BCAS3: variants seen among roughly 807,000 people sequenced by gnomAD.
BCAS3 encodes BCAS4/BCAS3 fusion.
A neutral mutation model predicts 116.1 loss-of-function variants in BCAS3; 53 were observed. The ratio of observed to expected loss-of-function variants is 0.46; its 90% CI spans 0.37 to 0.57. BCAS3 has a LOEUF of 0.57. Ranked by LOEUF, BCAS3 falls within the 20% of genes least tolerant of loss-of-function variation. The pLI is 0.00. For synonymous variants in BCAS3, 391 were observed against 408.2 expected, an observed-to-expected ratio of 0.96 and a Z score of 0.51; for missense variants, 917 against 1,165.4, an observed-to-expected ratio of 0.79 and a Z score of 3.10.
rs1325216315 is a variant in BCAS3, at chr17:61,348,357, G to A, written c.2426-19970G>A. On this transcript the variant is annotated intron_variant, in intron 22 of 23. Transcript: ENST00000407086. The surrounding 1 kb of genome is among the most constrained non-coding windows in gnomAD (Gnocchi z 4.5). ...GCCTGTGGAACATCCAAGTGAGGGT[G>A]CTTGGTCTTACGCAGATGGTTTTGG... Among the ~76,000 whole-genome samples, 1 of 152,198 alleles carries A rather than the reference G, an allele frequency of 6.6e-6. No homozygotes were observed. Among genetic ancestry groups the A allele is most frequent in the Non-Finnish European group, 1.5e-5 (1 of 68,030 alleles).
chr17:60,926,279 AT>A (rs1203615160), intron 13 of BCAS3, among the ~76,000 whole-genome samples: 1 of 152,094 alleles, frequency 6.6e-6, no homozygotes, highest in Non-Finnish European at 1.5e-5. Flanking sequence ...GATCTTACCC[AT>A]TTGGTTGATG....
chr17:60,818,836 G>A (rs8080854), intron 7 of BCAS3, among the ~76,000 whole-genome samples: 6,669 of 152,078 alleles, frequency 0.044, 387 homozygotes, highest in African/African-American at 0.13. Context: ...TAGGTATACC[G>A]TTTATGCTGA....
chr17:60,881,603 A>T (rs1250632812), intron 9 of BCAS3, among the ~76,000 whole-genome samples: 2 of 71,532 alleles, frequency 2.8e-5, no homozygotes, highest in South Asian at 1.1e-3. Context: ...CCCCCACCCC[A>T]CCACAGTCCC....
At chr17:60,724,614 A>C (rs971729675) in intron 5 of BCAS3, among the ~76,000 whole-genome samples, 27 of 151,142 alleles carry the variant, frequency 1.8e-4, no homozygotes, top group African/African-American at 6.3e-4. Flanking sequence ...AAGCCCAGCT[A>C]CTTGGGAGGC....
intron 14 of BCAS3, among the ~76,000 whole-genome samples, chr17:60,976,678 G>A (rs1453984043): frequency 2.6e-5 from 4 of 152,092 alleles, no homozygotes; most frequent in Non-Finnish European, 5.9e-5. Flanking sequence ...CTGTTTAACA[G>A]AGCACATCTT....
chr17:61,338,480 T>C (rs1188952502), intron 22 of BCAS3, among the ~76,000 whole-genome samples: 1 of 152,180 alleles, frequency 6.6e-6, no homozygotes, highest in African/African-American at 2.4e-5. Flanking sequence ...TTTATTGTGT[T>C]TGAAGTATCT....
At chr17:60,690,260 A>G (rs187339874) in intron 4 of BCAS3, among the ~76,000 whole-genome samples, 109 of 152,226 alleles carry the variant, frequency 7.2e-4, no homozygotes, top group African/African-American at 2.3e-3. Context: ...CATAGGTCAG[A>G]ATTTCCTTCC....
intron 5 of BCAS3, 64 bp from the exon 6 acceptor site, chr17:60,747,134 T>C: frequency 9.0e-7 from 1 of 1,105,646 alleles, no homozygotes; most frequent in Non-Finnish European, 1.3e-6. Context: ...AGATCTTGTT[T>C]TTATATAATA....
chr17:60,722,283 A>G (rs937598138), intron 5 of BCAS3, among the ~76,000 whole-genome samples: 1 of 152,186 alleles, frequency 6.6e-6, no homozygotes, highest in African/African-American at 2.4e-5. Context: ...GGATAAGTAC[A>G]TGTTTACCTT....
At position 60,736,590 on chromosome 17, in the gene BCAS3, T is replaced by C. The variant is rs542002636; in HGVS notation, c.322-10608T>C. ...TCTTCCAAAGAGAATGATAAAGAAT[T>C]GGTATTATTTCTTTCTTAAATGTAT... On this transcript the variant is annotated intron_variant, in intron 5 of 23. Coordinates refer to ENST00000407086, the MANE Select transcript of BCAS3 (RefSeq NM_017679.5). Among the ~76,000 whole-genome samples the C allele has an allele frequency of 3.3e-5, 5 of 152,268 alleles. No homozygotes were observed. In the East Asian group the frequency reaches 7.7e-4, roughly 24 times the overall value.
intron 7 of BCAS3, among the ~76,000 whole-genome samples, chr17:60,854,360 C>G (rs997104212): frequency 1.3e-5 from 2 of 152,076 alleles, no homozygotes; most frequent in Admixed American, 1.3e-4. Context: ...AATGAACATA[C>G]GTGTGCATGT....
chr17:61,119,075 C>T (rs2075649933), intron 22 of BCAS3, among the ~76,000 whole-genome samples: 1 of 152,142 alleles, frequency 6.6e-6, no homozygotes, highest in African/African-American at 2.4e-5. Context: ...GATGCGGAAG[C>T]CATTATCTCA....
At chr17:60,999,855 A>T (rs1215746341) in intron 15 of BCAS3, among the ~76,000 whole-genome samples, 1 of 152,134 alleles carries the variant, frequency 6.6e-6, no homozygotes, top group African/African-American at 2.4e-5. Flanking sequence ...TTGTCCTTGT[A>T]GAGGTCTTTC....
At chr17:60,937,185 T>TTA (rs1161348115) in intron 13 of BCAS3, among the ~76,000 whole-genome samples, 33 of 152,260 alleles carry the variant, frequency 2.2e-4, no homozygotes, top group African/African-American at 7.7e-4. Flanking sequence ...TGCGACATTA[T>TTA]TTCTGAGGGT....
intron 7 of BCAS3, among the ~76,000 whole-genome samples, chr17:60,816,160 A>ATGTAGTTTAGACTTTG (rs1464834740): frequency 6.6e-6 from 1 of 152,128 alleles, no homozygotes; most frequent in Non-Finnish European, 1.5e-5. Context: ...TTGAACACCC[A>ATGTAGTTTAGACTTTG]TGTAGTTTAG....
chr17:60,882,593 T>C (rs1258106133), intron 9 of BCAS3, among the ~76,000 whole-genome samples: 1 of 152,166 alleles, frequency 6.6e-6, no homozygotes, highest in Non-Finnish European at 1.5e-5. Context: ...TTTAAATCTT[T>C]AATCTATCTT....
intron 14 of BCAS3, among the ~76,000 whole-genome samples, chr17:60,957,604 A>G (rs535372687): frequency 7.2e-5 from 11 of 152,318 alleles, no homozygotes; most frequent in African/African-American, 2.4e-4. Context: ...TACAGTTTGC[A>G]TATCATCACT....
At position 61,381,445 on chromosome 17, in the gene BCAS3, G is replaced by A. The variant is rs1306498949; in HGVS notation, c.2594-10532G>A. Among the ~76,000 whole-genome samples the A allele has an allele frequency of 6.6e-6, 1 of 152,052 alleles. No individual in the cohort carries two copies. The highest frequency in any genetic ancestry group is 2.4e-5 in the African/African-American group (1 of 41,396). ...GATCCTTTCCCAGCCGCGGCGTGTGGGCTTGAGACACAGGCTGGGACCCCA... is the reference window on the plus strand; with the variant it reads ...GATCCTTTCCCAGCCGCGGCGTGTGAGCTTGAGACACAGGCTGGGACCCCA... On this transcript the variant is annotated intron_variant, in intron 23 of 23. Transcript: ENST00000407086. The surrounding 1 kb of genome is among the most constrained non-coding windows in gnomAD (Gnocchi z 6.0).
In BCAS3 at chr17:61,285,194, C is replaced by G. The variant is rs1339288326; in HGVS notation, c.2426-83133C>G. ...AGAAATGAAAAGTATCACTTGAGAA[C>G]TAAATTGGGGTGTTTTGCTTTTCCC... On this transcript the variant is annotated intron_variant, in intron 22 of 23. Transcript: ENST00000407086. This position sits in a 1 kb window ranked among gnomAD's most constrained non-coding sequence, Gnocchi z 5.4. Among the ~76,000 whole-genome samples the G allele has an allele frequency of 6.6e-6, 1 of 150,974 alleles. No homozygotes were observed. Among genetic ancestry groups the G allele is most frequent in the Non-Finnish European group, 1.5e-5 (1 of 67,930 alleles).
Sources: gnomAD v4.1 joint callset for allele counts (sites outside exome capture counted in the v4.1 genomes callset) on GRCh38, gnomAD v4.1.1 for gene constraint, Gnocchi (gnomAD v3.1) non-coding constraint, MANE v1.5 for transcripts, NCBI Gene and HGNC (gene_info 2026-07-23, HGNC 2026-07-21) for gene names.